TADA1: variants seen among roughly 807,000 people sequenced by gnomAD.
TADA1 encodes the protein transcriptional adapter 1.
Under a neutral mutation model 39.3 loss-of-function variants are expected in TADA1, and 23 were observed. The ratio of observed to expected loss-of-function variants is 0.58; its 90% CI spans 0.42 to 0.83. The LOEUF (loss-of-function observed/expected upper bound fraction) is 0.83, where lower values mean the gene tolerates loss of function less well. Among genes scored for constraint, TADA1 ranks in the 40% least tolerant of loss-of-function variants. The pLI is 0.00. For missense variants in TADA1, 352 were observed against 408.1 expected (o/e 0.86, Z 1.18); for synonymous variants, 137 against 151.8 (o/e 0.90, Z 0.72).
At chr1:166,865,138 G>A (rs1306685828) in intron 3 of TADA1, among the ~76,000 whole-genome samples, 2 of 152,048 alleles carry the variant, frequency 1.3e-5, no homozygotes, top group African/African-American at 4.8e-5. Flanking sequence ...AAAGAATTCT[G>A]ATAAATTTCC....
chr1:166,856,833 G>A lies in TADA1; in HGVS notation c.*734C>T, dbSNP rs1380302006. On this transcript the variant is annotated 3_prime_UTR_variant, in exon 8 of 8. Coordinates refer to ENST00000367874, the MANE Select transcript of TADA1 (RefSeq NM_053053.4). Reference sequence around the variant, plus strand: ...AGATTTCTTAAAATACATTCTATAGGAATAATTAACCGAAGAAACTGCCAA... The same window carrying A: ...AGATTTCTTAAAATACATTCTATAGAAATAATTAACCGAAGAAACTGCCAA... The A allele has an allele frequency of 1.3e-5, 2 of 152,500 alleles. No individual in the cohort carries two copies. Among genetic ancestry groups the A allele is most frequent in the Non-Finnish European group, 2.9e-5 (2 of 68,016 alleles). The allele number at this position is 152,500 out of a possible 1,614,324, so 9.4% of individuals were successfully genotyped here.
At chr1:166,863,090 A>C (rs1308924484) in intron 4 of TADA1, 1 of 152,506 alleles carries the variant, frequency 6.6e-6, no homozygotes, top group Non-Finnish European at 1.5e-5. Context: ...TTTGTAGTGA[A>C]GATGGTTTGT....
At position 166,876,097 on chromosome 1, in the gene TADA1, G is replaced by C. The variant is rs545488359; in HGVS notation, c.74+63C>G. On this transcript the variant is annotated intron_variant, in intron 1 of 7. Coordinates refer to ENST00000367874, the MANE Select transcript of TADA1 (RefSeq NM_053053.4). ...ACGCGGGCGTCTCCGGGGCGGGCTG[G>C]CAGCCCGAGGCCAGGAGAGCACCCG... 535 of 1,482,992 alleles carry C rather than the reference G, an allele frequency of 3.6e-4. 2 individuals are homozygous for C. The African/African-American group carries it at 7.1e-3, about 20-fold the overall frequency. The allele number at this position is 1,482,992 out of a possible 1,614,324, so 91.9% of individuals were successfully genotyped here.
Position 166,876,225 on chromosome 1 carries a change from G to C in TADA1, c.9C>G (p.Thr3=), listed in dbSNP as rs777983495. Residue 3 remains threonine (T), a synonymous_variant, in exon 1 of 8, where the codon ACC becomes ACG. Coordinates refer to ENST00000367874, the MANE Select transcript of TADA1 (RefSeq NM_053053.4). ...TGGCCGCCTCCAGCTCGCTCACAAAGGTCGCCATTGCTCCGCGTGTCTCAG... is the reference window on the plus strand; with the variant it reads ...TGGCCGCCTCCAGCTCGCTCACAAACGTCGCCATTGCTCCGCGTGTCTCAG... MA[T]FVSELEAAKK... is the part of the protein sequence containing the mutation. The C allele has an allele frequency of 6.2e-6, 10 of 1,613,270 alleles. No homozygotes were observed. The Admixed American group carries it at 1.5e-4, about 24-fold the overall frequency.
chr1:166,873,137 G>C (rs942269513), intron 1 of TADA1, among the ~76,000 whole-genome samples: 4 of 152,114 alleles, frequency 2.6e-5, no homozygotes, highest in Admixed American at 6.5e-5. Flanking sequence ...CGGACATGGT[G>C]GTGGGCGCCT....
chr1:166,874,620 G>GA (rs1332145374), intron 1 of TADA1, among the ~76,000 whole-genome samples: 15 of 149,456 alleles, frequency 1.0e-4, no homozygotes, highest in African/African-American at 1.5e-4. Context: ...CTTTGTCTCT[G>GA]AAAAAAAAAA....
Position 166,858,126 on chromosome 1 carries a change from G to A in TADA1, c.848C>T (p.Ala283Val). ...TAAGGAGCCAAGACTTACCTGCAAA[G>A]CTTCAAAAAGATCGTACATGTTCAC... ...PPVNMYDLFE[A>V]LQVHREVIPT... Residue 283 changes from alanine (A) to valine (V), a missense_variant, in exon 7 of 8, where the codon GCT (alanine) becomes GTT (valine). Physicochemically the swap from Ala to Val is moderately conservative, Grantham distance 64 (BLOSUM62 0). This residue lies in a region of TADA1 where 285 missense variants were observed against 310.9 expected (regional missense o/e 0.92). Coordinates refer to ENST00000367874, the MANE Select transcript of TADA1 (RefSeq NM_053053.4). 2.5e-6 allele frequency: 4 copies of A among 1,614,140 alleles called. No homozygotes were observed. Among genetic ancestry groups the A allele is most frequent in the Non-Finnish European group, 3.4e-6 (4 of 1,180,010 alleles).
rs1658295943 is a variant in TADA1 at position 166,857,123 on chromosome 1, A to G, written c.*444T>C. 1 of 157,234 alleles carries G rather than the reference A, an allele frequency of 6.4e-6. No homozygotes were observed. 9.7% of individuals were successfully genotyped at this position (157,234 alleles called of 1,614,324 possible). ...AACACTGTGTAGGTTATTTCAACCA[A>G]AATGCAAGAACACATTCTTTAGGAG... On this transcript the variant is annotated 3_prime_UTR_variant, in exon 8 of 8. Coordinates refer to ENST00000367874, the MANE Select transcript of TADA1 (RefSeq NM_053053.4).
At chr1:166,874,237 A>G (rs1658717365) in intron 1 of TADA1, among the ~76,000 whole-genome samples, 1 of 151,736 alleles carries the variant, frequency 6.6e-6, no homozygotes. Flanking sequence ...GCTACTCAGG[A>G]GGCTGAGGCA....
chr1:166,873,842 T>G (rs1458858775), intron 1 of TADA1, among the ~76,000 whole-genome samples: 1 of 152,060 alleles, frequency 6.6e-6, no homozygotes, highest in Non-Finnish European at 1.5e-5. Context: ...AAATAAGGAA[T>G]GCTAACTTCA....
intron 1 of TADA1, 47 bp downstream of exon 1, chr1:166,876,113 A>G: frequency 6.4e-7 from 1 of 1,558,636 alleles, no homozygotes; most frequent in South Asian, 1.2e-5. Flanking sequence ...CGAGGCCAGG[A>G]GAGCACCCGC....
intron 3 of TADA1, 155 bp downstream of exon 3, chr1:166,869,286 AAAAG>A (rs967933211): frequency 5.3e-5 from 29 of 548,870 alleles, no homozygotes; most frequent in Admixed American, 1.0e-4. Context: ...TAAAAAAAAA[AAAAG>A]ATTCTGTAAA....
chr1:166,863,736 T>A, intron 4 of TADA1, 88 bp downstream of exon 4: 2 of 1,226,104 alleles, frequency 1.6e-6, no homozygotes, highest in Non-Finnish European at 1.2e-6. Context: ...ACTACCAGTA[T>A]TTTAATATTC....
rs1396150077 is a variant in TADA1 at position 166,858,183 on chromosome 1, G to T, written c.791C>A (p.Ser264Tyr). ...CAAAGATGCAGGTAGAGTGTCTCCGGAGCATGCCAGCAGGAGTGCAGCCTG... is the reference window on the plus strand; with the variant it reads ...CAAAGATGCAGGTAGAGTGTCTCCGTAGCATGCCAGCAGGAGTGCAGCCTG... Reference protein sequence around the residue: ...EQQAALLLACSGDTLPASLPP... With the variant: ...EQQAALLLACYGDTLPASLPP... Residue 264 changes from serine (S) to tyrosine (Y), a missense_variant, in exon 7 of 8, where the codon TCC becomes TAC. This residue lies in a region of TADA1 where 285 missense variants were observed against 310.9 expected (regional missense o/e 0.92). Coordinates refer to ENST00000367874, the MANE Select transcript of TADA1 (RefSeq NM_053053.4). 1 of 1,614,084 alleles carries T rather than the reference G, an allele frequency of 6.2e-7. No homozygotes were observed. The highest frequency in any genetic ancestry group is 1.1e-5 in the South Asian group (1 of 91,070).
At position 166,874,679 on chromosome 1, in the gene TADA1, A is replaced by G. The variant is rs570365201; in HGVS notation, c.74+1481T>C. ...TGCCTACAGTCCCAGTTATAGGCTC[A>G]CAGCAGGGGAGGATCTCTTGAGCTC... On this transcript the variant is annotated intron_variant, in intron 1 of 7. Coordinates refer to ENST00000367874, the MANE Select transcript of TADA1 (RefSeq NM_053053.4). 9.5e-4 allele frequency among the ~76,000 whole-genome samples: 144 copies of G among 152,248 alleles called. 2 individuals carry two copies. The highest frequency in any genetic ancestry group is 3.3e-3 in the African/African-American group (137 of 41,542).
Position 166,876,257 on chromosome 1 carries a change from C to A in TADA1, c.-24G>T. On this transcript the variant is annotated 5_prime_UTR_variant, in exon 1 of 8. Coordinates refer to ENST00000367874, the MANE Select transcript of TADA1 (RefSeq NM_053053.4). ...ATTGCTCCGCGTGTCTCAGCCCGAC[C>A]GCAGACCGCCCGGCCACCGCGATCA... 1 of 1,608,438 alleles carries A rather than the reference C, an allele frequency of 6.2e-7. No homozygotes were observed.
chr1:166,869,598 G>C, intron 2 of TADA1, 88 bp from the exon 3 acceptor site: 1 of 1,464,024 alleles, frequency 6.8e-7, no homozygotes, highest in South Asian at 1.2e-5. Context: ...CAAGATTTTG[G>C]ATATCCCCTA....
At chr1:166,871,598 G>A (rs141311908) in intron 1 of TADA1, among the ~76,000 whole-genome samples, 159 of 152,198 alleles carry the variant, frequency 1.0e-3, no homozygotes, top group African/African-American at 3.6e-3. Flanking sequence ...CAAAACCCAC[G>A]ACACTGCCAT....
chr1:166,876,121 C>G, intron 1 of TADA1, 39 bp downstream of exon 1: 3 of 1,584,278 alleles, frequency 1.9e-6, no homozygotes, highest in Non-Finnish European at 2.6e-6. Context: ...GGAGAGCACC[C>G]GCGTGTTGGC....
Sources: allele counts gnomAD v4.1 joint callset (sites outside exome capture counted in the v4.1 genomes callset), GRCh38; gene constraint gnomAD v4.1.1; regional missense constraint gnomAD v4.1.1; transcripts MANE v1.5; gene names NCBI Gene and HGNC (gene_info 2026-07-23, HGNC 2026-07-21).